SGPL1: variants seen among roughly 807,000 people sequenced by gnomAD.
SGPL1 encodes SP-lyase 1.
SGPL1 carries 37 observed loss-of-function variants against 68.9 expected under a neutral mutation model. That is an observed-to-expected ratio of 0.54 (90% confidence interval 0.41 to 0.71). The LOEUF (loss-of-function observed/expected upper bound fraction) is 0.71, where lower values mean the gene tolerates loss of function less well. Ranked by LOEUF, SGPL1 falls within the 30% of genes least tolerant of loss-of-function variation. SGPL1 has a pLI of 0.00. For synonymous variants in SGPL1, 236 were observed against 248.5 expected (o/e 0.95, Z 0.47); for missense variants, 551 against 704.6 (o/e 0.78, Z 2.47).
At chr10:70,829,615 G>A (rs1845498373) in intron 2 of SGPL1, among the ~76,000 whole-genome samples, 1 of 151,726 alleles carries the variant, frequency 6.6e-6, no homozygotes, top group Admixed American at 6.6e-5. Context: ...TTATCCCAAT[G>A]GCTTCTATTT....
At chr10:70,854,247 T>G (rs763933062) in intron 4 of SGPL1, among the ~76,000 whole-genome samples, 81 of 151,718 alleles carry the variant, frequency 5.3e-4, no homozygotes, top group Non-Finnish European at 1.1e-3. Context: ...TGATCTTGGC[T>G]CACTGCAACC....
intron 14 of SGPL1, 150 bp downstream of exon 14, chr10:70,876,811 A>G: frequency 2.7e-6 from 2 of 732,464 alleles, no homozygotes; most frequent in Non-Finnish European, 4.5e-6. Flanking sequence ...TGATCTCTGC[A>G]TCACCCACCC....
At chr10:70,863,155 T>A (rs12780016) in intron 7 of SGPL1, among the ~76,000 whole-genome samples, 18,171 of 151,926 alleles carry the variant, frequency 0.12, 1,347 homozygotes, top group Non-Finnish European at 0.17. Flanking sequence ...CCTCGCTAAT[T>A]TTTGTATTTT....
At position 70,873,364 on chromosome 10, in the gene SGPL1, CA is replaced by C; in HGVS notation, c.1077del (p.Gly360AlafsTer49). 2 of 1,613,900 alleles carry C rather than the reference CA, an allele frequency of 1.2e-6. No homozygotes were observed. The highest frequency in any genetic ancestry group is 1.7e-6 in the Non-Finnish European group (2 of 1,179,746). Reference protein sequence around the residue: ...SADTHKYGYAPKGSSLVLYSD... With the variant: ...SADTHKYGYAXKGSSLVLYSD... ...CTTCTTCCACAGTATGGCTATGCCC[CA>C]AAAGGCTCATCATTGGTGTTGTATA... On this transcript the variant is annotated frameshift_variant, in exon 12 of 15. Transcript: ENST00000373202. LOFTEE classifies it high-confidence loss of function.
intron 9 of SGPL1, 69 bp downstream of exon 9, chr10:70,869,966 GCCGTTT>G: frequency 7.9e-7 from 1 of 1,264,588 alleles, no homozygotes; most frequent in South Asian, 1.2e-5. Context: ...CTGTTGACTA[GCCGTTT>G]CCAGTCAGAT....
At chr10:70,857,171 G>T (rs1451456222) in intron 5 of SGPL1, 1 of 167,294 alleles carries the variant, frequency 6.0e-6, no homozygotes, top group Admixed American at 6.0e-5. Flanking sequence ...TTTTCATTTT[G>T]CTTTCTTCTG....
chr10:70,878,304 C>A lies in SGPL1; in HGVS notation c.*969C>A, dbSNP rs1846435156. ...TTTGGGGTGGTCTCTTCTGTGCCTG[C>A]AGTCCCCATTTGACACTTGGTTGCC... On this transcript the variant is annotated 3_prime_UTR_variant, in exon 15 of 15. Transcript: ENST00000373202. 2 of 152,280 alleles carry A rather than the reference C, an allele frequency of 1.3e-5. No individual in the cohort carries two copies. Among genetic ancestry groups the A allele is most frequent in the Admixed American group, 1.3e-4 (2 of 15,286 alleles). The allele number at this position is 152,280 out of a possible 1,614,324, so 9.4% of individuals were successfully genotyped here. A position where few individuals can be genotyped will look rare whatever the true frequency, so the allele number is the denominator to read the frequency against.
At chr10:70,822,133 G>A (rs1845349727) in intron 2 of SGPL1, among the ~76,000 whole-genome samples, 2 of 152,114 alleles carry the variant, frequency 1.3e-5, no homozygotes, top group Non-Finnish European at 2.9e-5. Context: ...TTGACCTTAG[G>A]AGCTCTGTTC....
At chr10:70,845,339 A>C (rs1008064596) in intron 3 of SGPL1, among the ~76,000 whole-genome samples, 31 of 152,092 alleles carry the variant, frequency 2.0e-4, no homozygotes, top group African/African-American at 7.2e-4. Flanking sequence ...GATTAGGTGA[A>C]ATTGGAACAG....
At chr10:70,869,014 T>A (rs1214184712) in intron 8 of SGPL1, among the ~76,000 whole-genome samples, 1 of 152,216 alleles carries the variant, frequency 6.6e-6, no homozygotes, top group Non-Finnish European at 1.5e-5. Context: ...TCTTAATATT[T>A]TTACTGCAAG....
At chr10:70,856,791 AC>A (rs1373240465) in intron 5 of SGPL1, among the ~76,000 whole-genome samples, 5 of 152,020 alleles carry the variant, frequency 3.3e-5, no homozygotes, top group African/African-American at 7.3e-5. Flanking sequence ...CTTTCTCACT[AC>A]CCACTTTCAA....
At chr10:70,844,330 A>G in intron 2 of SGPL1, 143 bp from the exon 3 acceptor site, 1 of 667,726 alleles carries the variant, frequency 1.5e-6, no homozygotes, top group Non-Finnish European at 2.5e-6. Context: ...TGAGGGCTGT[A>G]GATGATAATA....
intron 2 of SGPL1, among the ~76,000 whole-genome samples, chr10:70,829,864 G>C (rs1042144556): frequency 1.3e-5 from 2 of 152,130 alleles, no homozygotes; most frequent in African/African-American, 2.4e-5. Context: ...AGATATCTGG[G>C]TAGTTGCTAC....
At chr10:70,866,425 TC>T (rs1394596004) in intron 7 of SGPL1, 1 of 152,104 alleles carries the variant, frequency 6.6e-6, no homozygotes, top group Non-Finnish European at 1.5e-5. Flanking sequence ...ATTTAGGTAT[TC>T]CTACTTTTAC....
At chr10:70,831,900 G>A (rs1301025861) in intron 2 of SGPL1, among the ~76,000 whole-genome samples, 1 of 152,128 alleles carries the variant, frequency 6.6e-6, no homozygotes, top group Admixed American at 6.5e-5. Context: ...AGGAATGAGG[G>A]TTTTTTGGCC....
intron 2 of SGPL1, among the ~76,000 whole-genome samples, chr10:70,838,404 T>C (rs915376732): frequency 1.3e-5 from 2 of 152,186 alleles, no homozygotes; most frequent in African/African-American, 4.8e-5. Flanking sequence ...AATCTTTTGC[T>C]CTCTTGAAGT....
At chr10:70,838,346 G>A (rs923978604) in intron 2 of SGPL1, among the ~76,000 whole-genome samples, 5 of 152,132 alleles carry the variant, frequency 3.3e-5, no homozygotes, top group African/African-American at 9.7e-5. Context: ...AGATTTTTTT[G>A]GAGGTAGCAA....
chr10:70,844,019 A>T (rs983466289), intron 2 of SGPL1, among the ~76,000 whole-genome samples: 1 of 152,224 alleles, frequency 6.6e-6, no homozygotes, highest in African/African-American at 2.4e-5. Context: ...GCTTTGCAAC[A>T]CTTAAAATAT....
At chr10:70,864,289 G>T (rs920574977) in intron 7 of SGPL1, among the ~76,000 whole-genome samples, 2 of 152,042 alleles carry the variant, frequency 1.3e-5, no homozygotes, top group Non-Finnish European at 2.9e-5. Context: ...TCCAACCATC[G>T]CAGTCATTCT....
Sources: allele counts gnomAD v4.1 joint callset (sites outside exome capture counted in the v4.1 genomes callset), GRCh38; gene constraint gnomAD v4.1.1; transcripts MANE v1.5; gene names NCBI Gene and HGNC (gene_info 2026-07-23, HGNC 2026-07-21).